The following SLC35F4 variants were observed in gnomAD, a reference collection of about 807,000 sequenced individuals.
The protein encoded by SLC35F4 is solute carrier family 35 member F4, also known as chromosome 14 open reading frame 36.
Under a neutral mutation model 44.2 loss-of-function variants are expected in SLC35F4, and 24 were observed. The observed-to-expected ratio is 0.54, with a 90% CI of 0.39 to 0.76. The LOEUF (loss-of-function observed/expected upper bound fraction) is 0.76. Among genes scored for constraint, SLC35F4 ranks in the 30% least tolerant of loss-of-function variants. The pLI is 0.00. For synonymous variants in SLC35F4, 238 were observed against 223.6 expected (o/e 1.06, Z -0.57); for missense variants, 562 against 586.1 (o/e 0.96, Z 0.42).
chr14:57,823,477 T>C (rs1021732394), intron 1 of SLC35F4, among the ~76,000 whole-genome samples: 1 of 152,228 alleles, frequency 6.6e-6, no homozygotes, highest in African/African-American at 2.4e-5. Context: ...TGAATCACGC[T>C]CCAGGGGAGT....
intron 1 of SLC35F4, among the ~76,000 whole-genome samples, chr14:57,615,861 T>G (rs538665123): frequency 1.3e-5 from 2 of 152,336 alleles, no homozygotes; most frequent in East Asian, 3.9e-4. Flanking sequence ...ATCTGGAGCT[T>G]TGCCTGAAAA....
upstream of SLC35F4, among the ~76,000 whole-genome samples, chr14:57,868,432 T>G: frequency 6.6e-6 from 1 of 152,216 alleles, no homozygotes; most frequent in East Asian, 1.9e-4. Flanking sequence ...AATAGTCATT[T>G]TAGACGTTAT....
chr14:57,765,347 C>T (rs2077211954), intron 1 of SLC35F4, among the ~76,000 whole-genome samples: 1 of 152,180 alleles, frequency 6.6e-6, no homozygotes, highest in African/African-American at 2.4e-5. Context: ...GAAAGTAGGC[C>T]TTACAGGCAA....
intron 1 of SLC35F4, among the ~76,000 whole-genome samples, chr14:57,686,284 C>T (rs1270136106): frequency 1.3e-5 from 2 of 152,176 alleles, no homozygotes; most frequent in African/African-American, 4.8e-5. Flanking sequence ...TACTCACTTA[C>T]CTGGCCCATA....
At chr14:57,581,829 A>C (rs1181132740) in intron 3 of SLC35F4, among the ~76,000 whole-genome samples, 1 of 152,248 alleles carries the variant, frequency 6.6e-6, no homozygotes, top group Non-Finnish European at 1.5e-5. Context: ...CGGGCTACAG[A>C]CAACTCCTAG....
intron 1 of SLC35F4, among the ~76,000 whole-genome samples, chr14:57,863,033 A>G (rs531837193): frequency 3.6e-4 from 55 of 152,222 alleles, no homozygotes; most frequent in African/African-American, 1.1e-3. Context: ...TTTTAAAAAA[A>G]ATGTTTAAAT....
At chr14:57,890,329 A>T (rs1888734330) in intron 1 of SLC35F4, among the ~76,000 whole-genome samples, 1 of 152,162 alleles carries the variant, frequency 6.6e-6, no homozygotes, top group Admixed American at 6.5e-5. Context: ...CAGACCCAAG[A>T]GGGTTGAAAA....
intron 1 of SLC35F4, among the ~76,000 whole-genome samples, chr14:57,659,677 C>G (rs1225399826): frequency 6.6e-6 from 1 of 152,094 alleles, no homozygotes; most frequent in Non-Finnish European, 1.5e-5. Context: ...TTAATTACTA[C>G]CTTAATTCTT....
chr14:57,918,719 T>C (rs543881712), intron 1 of SLC35F4, among the ~76,000 whole-genome samples: 16 of 152,336 alleles, frequency 1.1e-4, no homozygotes, highest in African/African-American at 3.4e-4. Context: ...TGCTGCTGAC[T>C]CTTCTATAGA....
At chr14:57,821,076 T>C (rs1416320588) in intron 1 of SLC35F4, among the ~76,000 whole-genome samples, 1 of 152,240 alleles carries the variant, frequency 6.6e-6, no homozygotes, top group Non-Finnish European at 1.5e-5. Context: ...TGACCCTTAA[T>C]TGCCATTGTT....
At chr14:57,851,837 G>C (rs1886600533) in intron 1 of SLC35F4, among the ~76,000 whole-genome samples, 1 of 152,188 alleles carries the variant, frequency 6.6e-6, no homozygotes, top group Non-Finnish European at 1.5e-5. Context: ...CTAATGAAAA[G>C]TGTTAACTGA....
intron 1 of SLC35F4, among the ~76,000 whole-genome samples, chr14:57,754,942 G>C (rs920986288): frequency 6.6e-6 from 1 of 152,168 alleles, no homozygotes; most frequent in Non-Finnish European, 1.5e-5. Flanking sequence ...AAGAGGCTTC[G>C]ATTCCTGGTC....
chr14:57,753,067 G>A (rs745428476), intron 1 of SLC35F4, among the ~76,000 whole-genome samples: 81 of 152,300 alleles, frequency 5.3e-4, no homozygotes, highest in Non-Finnish European at 1.0e-3. Context: ...AGAACTGCCG[G>A]GGAGAGAAGA....
intron 1 of SLC35F4, among the ~76,000 whole-genome samples, chr14:57,830,667 A>G (rs1884273766): frequency 6.6e-6 from 1 of 152,176 alleles, no homozygotes; most frequent in Non-Finnish European, 1.5e-5. Flanking sequence ...TCTCAGTTTC[A>G]GACCACCTAC....
intron 1 of SLC35F4, among the ~76,000 whole-genome samples, chr14:57,833,712 G>A (rs1218908404): frequency 2.0e-5 from 3 of 152,194 alleles, no homozygotes; most frequent in Non-Finnish European, 2.9e-5. Flanking sequence ...CTAATCTCCC[G>A]TTGGCTTTCC....
chr14:57,568,673 T>C (rs1218239234), intron 6 of SLC35F4, among the ~76,000 whole-genome samples: 2 of 152,116 alleles, frequency 1.3e-5, no homozygotes, highest in African/African-American at 2.4e-5. Context: ...ATCAATACTC[T>C]TGCAGGGATG....
At chr14:57,671,935 CT>C in intron 1 of SLC35F4, among the ~76,000 whole-genome samples, 1 of 152,174 alleles carries the variant, frequency 6.6e-6, no homozygotes, top group Non-Finnish European at 1.5e-5. Flanking sequence ...GTTTCTTCCC[CT>C]TTCCAGTCTG....
At chr14:57,786,745 T>C (rs1255369853) in intron 1 of SLC35F4, among the ~76,000 whole-genome samples, 1 of 152,182 alleles carries the variant, frequency 6.6e-6, no homozygotes, top group African/African-American at 2.4e-5. Context: ...GAACATTCCA[T>C]GGGTCAAAAG....
chr14:57,888,172 A>G (rs1888691341), intron 1 of SLC35F4, among the ~76,000 whole-genome samples: 3 of 152,178 alleles, frequency 2.0e-5, no homozygotes. Context: ...ACCTCAGAGA[A>G]AGGAGATTTG....
Sources: allele counts gnomAD v4.1 joint callset (sites outside exome capture counted in the v4.1 genomes callset), GRCh38; gene constraint gnomAD v4.1.1; transcripts MANE v1.5; gene names NCBI Gene and HGNC (gene_info 2026-07-23, HGNC 2026-07-21).